The following TTC27 variants were observed in gnomAD, a reference collection of about 807,000 sequenced individuals.
TTC27 encodes tetratricopeptide repeat domain 27, also known as tetratricopeptide repeat protein 27.
A neutral mutation model predicts 115.9 loss-of-function variants in TTC27; 79 were observed. That is an observed-to-expected ratio of 0.68 (90% CI 0.57 to 0.82). The LOEUF (loss-of-function observed/expected upper bound fraction) is 0.82, where lower values mean the gene tolerates loss of function less well. TTC27 is among the 40% of genes least tolerant of loss of function. TTC27 has a pLI of 0.00. For synonymous variants in TTC27, 401 were observed against 356.0 expected (o/e 1.13, Z -1.42); for missense variants, 1,054 against 993.1 (o/e 1.06, Z -0.82).
intron 11 of TTC27, among the ~76,000 whole-genome samples, chr2:32,735,083 A>G (rs1668407465): frequency 1.3e-5 from 2 of 152,188 alleles, no homozygotes; most frequent in South Asian, 4.1e-4. Context: ...AGAAACATAA[A>G]TGCCAACCCA....
chr2:32,811,271 T>C (rs113666770), intron 17 of TTC27, 50 bp downstream of exon 17: 1 of 1,535,046 alleles, frequency 6.5e-7, no homozygotes. Flanking sequence ...GAACATGTTG[T>C]AGTAGATCTA....
At chr2:32,670,772 C>T (rs964486799) in intron 7 of TTC27, among the ~76,000 whole-genome samples, 2 of 152,120 alleles carry the variant, frequency 1.3e-5, no homozygotes, top group Admixed American at 1.3e-4. Context: ...TATACGCCAC[C>T]ATGCCTGGCT....
chr2:32,707,621 T>G (rs1473460882), intron 10 of TTC27, among the ~76,000 whole-genome samples: 1 of 152,212 alleles, frequency 6.6e-6, no homozygotes, highest in Non-Finnish European at 1.5e-5. Context: ...AAAAAAAAAC[T>G]AATGAAGTAT....
In TTC27 at chr2:32,763,870, G is replaced by A. The variant is rs114653529; in HGVS notation, c.1680+5351G>A. Among the ~76,000 whole-genome samples, 1,161 of 152,298 alleles carry A rather than the reference G, an allele frequency of 7.6e-3. 13 individuals are homozygous for A. Among genetic ancestry groups the A allele is most frequent in the African/African-American group, 0.026 (1,092 of 41,560 alleles). On this transcript the variant is annotated intron_variant, in intron 13 of 19. Coordinates refer to ENST00000317907, the MANE Select transcript of TTC27 (RefSeq NM_017735.5). ...TTCTGAGGTTTGCGGGATAGTGAAA[G>A]CTGAAGAAAATGGGAGGGAAATCTG... is the stretch of plus-strand genomic sequence containing the variant.
intron 13 of TTC27, among the ~76,000 whole-genome samples, chr2:32,775,622 C>G (rs1669971275): frequency 6.6e-6 from 1 of 152,022 alleles, no homozygotes. Context: ...GATTTAGTCT[C>G]AAAATAAGAA....
chr2:32,743,381 A>G (rs1379601094), intron 12 of TTC27, among the ~76,000 whole-genome samples: 1 of 152,066 alleles, frequency 6.6e-6, no homozygotes, highest in Non-Finnish European at 1.5e-5. Flanking sequence ...TTTCACCCAT[A>G]TTCTTTACCC....
At chr2:32,664,554 A>G in intron 6 of TTC27, 87 bp downstream of exon 6, 1 of 1,141,346 alleles carries the variant, frequency 8.8e-7, no homozygotes, top group Non-Finnish European at 1.2e-6. Flanking sequence ...TTGGTATTAG[A>G]TTTTCTATAT....
Position 32,738,706 on chromosome 2 carries a change from C to T in TTC27, c.1452+1890C>T, listed in dbSNP as rs529391795. 2.0e-5 allele frequency among the ~76,000 whole-genome samples: 3 copies of T among 152,246 alleles called. No homozygotes were observed. In the East Asian group the frequency reaches 5.8e-4, roughly 29 times the overall value. On this transcript the variant is annotated intron_variant, in intron 12 of 19. Coordinates refer to ENST00000317907, the MANE Select transcript of TTC27 (RefSeq NM_017735.5). ...AAGTTATTGAATACAGAGAAAAAGA[C>T]AGAACCAAATTAGAGAAATGAAAAT...
Position 32,645,906 on chromosome 2 carries a change from G to A in TTC27, c.538-4225G>A, listed in dbSNP as rs1440956418. Among the ~76,000 whole-genome samples the A allele has an allele frequency of 2.0e-5, 3 of 151,674 alleles. No homozygotes were observed. In the East Asian group the frequency reaches 5.8e-4, roughly 29 times the overall value. ...TAATTTTTTTTGTATTTTTCGGAGA[G>A]ATGGATTTTCACCATGTTGGTCAGG... On this transcript the variant is annotated intron_variant, in intron 4 of 19. Coordinates refer to ENST00000317907, the MANE Select transcript of TTC27 (RefSeq NM_017735.5).
chr2:32,666,838 T>C (rs1665796137), intron 7 of TTC27, 70 bp downstream of exon 7: 3 of 1,527,150 alleles, frequency 2.0e-6, no homozygotes, highest in Admixed American at 3.8e-5. Flanking sequence ...CTGAGTACCA[T>C]AGAAACACTG....
chr2:32,739,310 A>G (rs1387185901), intron 12 of TTC27, among the ~76,000 whole-genome samples: 1 of 152,188 alleles, frequency 6.6e-6, no homozygotes, highest in Non-Finnish European at 1.5e-5. Flanking sequence ...GAAATAAGCA[A>G]GTTGGTAAAT....
chr2:32,756,125 A>C (rs1325726182), intron 12 of TTC27, among the ~76,000 whole-genome samples: 1 of 152,238 alleles, frequency 6.6e-6, no homozygotes, highest in Admixed American at 6.5e-5. Flanking sequence ...CCCAATTACT[A>C]TAATGGTCAT....
chr2:32,750,451 ATG>A (rs1351835463), intron 12 of TTC27, among the ~76,000 whole-genome samples: 1 of 152,224 alleles, frequency 6.6e-6, no homozygotes, highest in Admixed American at 6.5e-5. Context: ...AGGTTCTCCT[ATG>A]ATGAACTCTA....
At chr2:32,686,521 A>G (rs9917212) in intron 9 of TTC27, among the ~76,000 whole-genome samples, 11,781 of 151,918 alleles carry the variant, frequency 0.078, 663 homozygotes, top group African/African-American at 0.16. Context: ...CACCACGCCT[A>G]GCTGATTTTT....
chr2:32,750,348 G>A (rs966300163), intron 12 of TTC27, among the ~76,000 whole-genome samples: 1 of 152,198 alleles, frequency 6.6e-6, no homozygotes, highest in African/African-American at 2.4e-5. Flanking sequence ...GATCTGCAGA[G>A]CATCTCCACA....
chr2:32,726,996 A>C (rs1466304114), intron 10 of TTC27, among the ~76,000 whole-genome samples: 1 of 152,174 alleles, frequency 6.6e-6, no homozygotes, highest in East Asian at 1.9e-4. Context: ...TCACGAGAAC[A>C]GCACAGGAAA....
At chr2:32,706,077 CTTTTTTTT>C (rs148953090) in intron 10 of TTC27, among the ~76,000 whole-genome samples, 5 of 53,224 alleles carry the variant, frequency 9.4e-5, no homozygotes, top group African/African-American at 2.7e-4. Flanking sequence ...TTACCTTACT[CTTTTTTTT>C]TTTTTTTTTT....
chr2:32,809,388 T>G (rs1671240726), intron 16 of TTC27, among the ~76,000 whole-genome samples: 2 of 152,226 alleles, frequency 1.3e-5, no homozygotes, highest in South Asian at 2.1e-4. Flanking sequence ...CTCCCTGCAG[T>G]TCACGGTAAA....
At chr2:32,689,212 G>C (rs1666735356) in intron 9 of TTC27, among the ~76,000 whole-genome samples, 1 of 152,106 alleles carries the variant, frequency 6.6e-6, no homozygotes. Flanking sequence ...AATATTTTAG[G>C]ATGATGAACA....
Sources: gnomAD v4.1 joint callset for allele counts (sites outside exome capture counted in the v4.1 genomes callset) on GRCh38, gnomAD v4.1.1 for gene constraint, MANE v1.5 for transcripts, NCBI Gene and HGNC (gene_info 2026-07-23, HGNC 2026-07-21) for gene names.